Variants in UNC13B observed in about 807,000 individuals in gnomAD.
UNC13B encodes protein unc-13 homolog B.
A neutral mutation model predicts 211.0 loss-of-function variants in UNC13B; 144 were observed. That is an observed-to-expected ratio of 0.68 (90% CI 0.60 to 0.78). UNC13B has a LOEUF of 0.78. Ranked by LOEUF, UNC13B falls within the 30% of genes least tolerant of loss-of-function variation. The pLI is 0.00. For synonymous variants in UNC13B, 709 were observed against 725.8 expected (o/e 0.98, Z 0.37); for missense variants, 1,777 against 2,002.0 (o/e 0.89, Z 2.14).
chr9:35,396,810 C>T (rs2132349207), intron 27 of UNC13B, 31 bp from the exon 28 acceptor site: 1 of 1,613,748 alleles, frequency 6.2e-7, no homozygotes. Flanking sequence ...ACCGCTAGTT[C>T]TAAGCCCCTG....
At chr9:35,365,525 T>C (rs1408465385) in intron 11 of UNC13B, among the ~76,000 whole-genome samples, 1 of 152,214 alleles carries the variant, frequency 6.6e-6, no homozygotes, top group Admixed American at 6.5e-5. Flanking sequence ...ACGGTGGCTA[T>C]TTCCAGAGGG....
At chr9:35,250,111 T>C (rs1253363204) in intron 6 of UNC13B, among the ~76,000 whole-genome samples, 4 of 152,132 alleles carry the variant, frequency 2.6e-5, no homozygotes, top group Non-Finnish European at 5.9e-5. Context: ...TGGCATTCAC[T>C]AAGTTTTTAT....
rs527947634 is a variant in UNC13B at position 35,175,002 on chromosome 9, G to A, written c.22+12697G>A. Among the ~76,000 whole-genome samples, 19 of 151,736 alleles carry A rather than the reference G, an allele frequency of 1.3e-4. No homozygotes were observed. In the East Asian group the frequency reaches 3.5e-3, roughly 28 times the overall value. On this transcript the variant is annotated intron_variant, in intron 1 of 39. Transcript: ENST00000635942. ...GTGTAGAGACAAGGTTTTGCCATGT[G>A]GCTGAGGCTTGTCTCGAACTCCTGG... is the stretch of plus-strand genomic sequence containing the variant.
chr9:35,386,036 A>AGGATAGT, intron 23 of UNC13B, 129 bp from the exon 24 acceptor site: 3 of 1,485,338 alleles, frequency 2.0e-6, no homozygotes, highest in Non-Finnish European at 2.7e-6. Context: ...TGGCAATTTC[A>AGGATAGT]TCACAGGGAA....
chr9:35,333,803 G>A (rs1045654375), intron 11 of UNC13B, among the ~76,000 whole-genome samples: 1 of 152,158 alleles, frequency 6.6e-6, no homozygotes, highest in African/African-American at 2.4e-5. Context: ...ACCTTTAGGA[G>A]TTGCTGAAGG....
intron 11 of UNC13B, among the ~76,000 whole-genome samples, chr9:35,340,803 C>A (rs377684145): frequency 6.6e-6 from 1 of 152,068 alleles, no homozygotes; most frequent in South Asian, 2.1e-4. Context: ...GTTCATTATG[C>A]GATGTTTTTC....
chr9:35,309,016 A>G (rs921522580), intron 9 of UNC13B, among the ~76,000 whole-genome samples: 1 of 152,148 alleles, frequency 6.6e-6, no homozygotes, highest in African/African-American at 2.4e-5. Context: ...ACTACCCTCA[A>G]GGCTGATGTC....
Position 35,306,848 on chromosome 9 carries a change from C to T in UNC13B, c.7444C>T (p.Leu2482Phe). 2.5e-6 allele frequency: 1 copy of T among 399,058 alleles called. No homozygotes were observed. Among genetic ancestry groups the T allele is most frequent in the Middle Eastern group, 6.3e-4 (1 of 1,588 alleles). 24.7% of individuals were successfully genotyped at this position (399,058 alleles called of 1,614,324 possible). Residue 2482 changes from leucine (L) to phenylalanine (F), a missense_variant, in exon 9 of 40, where the codon CTT becomes TTT. Coordinates refer to ENST00000635942, the MANE Select transcript of UNC13B (RefSeq NM_001371189.2). ...TGAACCTCCCAAAACACTCTCTGGA[C>T]TTTTCTCCTCTCCTAAATCTCCAAA... ...LIEPPKTLSG[L>F]FSSPKSPKKN... is the part of the protein sequence containing the mutation.
Position 35,302,397 on chromosome 9 carries a change from A to G in UNC13B, c.2993A>G (p.Asp998Gly). The G allele has an allele frequency of 2.5e-6, 1 of 398,670 alleles. No homozygotes were observed. Among genetic ancestry groups the G allele is most frequent in the African/African-American group, 2.1e-5 (1 of 48,754 alleles). The allele number at this position is 398,670 out of a possible 1,614,324, so 24.7% of individuals were successfully genotyped here. The change falls in exon 9 of 40, where the codon GAT (aspartate) becomes GGT (glycine). Residue 998 changes from aspartate to glycine, a missense_variant. By Grantham distance (94) the Asp-to-Gly change is moderately conservative. Transcript: ENST00000635942. ...NKNDQVNCPE[D>G]AKLSSIKSGS... ...AATGACCAAGTAAATTGTCCTGAAG[A>G]TGCCAAACTTAGTTCAATAAAATCT...
At chr9:35,364,663 GTA>G in intron 11 of UNC13B, 1 of 1,210,700 alleles carries the variant, frequency 8.3e-7, no homozygotes, top group Non-Finnish European at 1.1e-6. Flanking sequence ...GTGTGTGTGT[GTA>G]CATGCACATG....
Position 35,343,787 on chromosome 9 carries a change from G to C in UNC13B, c.9415-23160G>C, listed in dbSNP as rs141013159. On this transcript the variant is annotated intron_variant, in intron 11 of 39. Transcript: ENST00000635942. ...CCAATGTGGTAGCTACTGGCCACAT[G>C]TGACTGCTGAGTACTTAAAATGTGG... Among the ~76,000 whole-genome samples, 29 of 152,014 alleles carry C rather than the reference G, an allele frequency of 1.9e-4. No individual in the cohort carries two copies. The East Asian group carries it at 5.6e-3, about 29-fold the overall frequency.
chr9:35,222,673 C>A (rs1162503303), intron 1 of UNC13B, among the ~76,000 whole-genome samples: 1 of 152,108 alleles, frequency 6.6e-6, no homozygotes, highest in Non-Finnish European at 1.5e-5. Context: ...TTTAGGATAT[C>A]CATCACCTAA....
intron 8 of UNC13B, among the ~76,000 whole-genome samples, chr9:35,297,090 C>CTTTTTTT (rs201558543): frequency 1.6e-5 from 2 of 128,166 alleles, no homozygotes; most frequent in Non-Finnish European, 3.3e-5. Context: ...TTTTAAGAAG[C>CTTTTTTT]TTTTTTTTTT....
intron 6 of UNC13B, among the ~76,000 whole-genome samples, chr9:35,250,253 A>G (rs1046205689): frequency 1.3e-5 from 2 of 152,168 alleles, no homozygotes; most frequent in African/African-American, 4.8e-5. Context: ...AGTTGTGCCC[A>G]TGGATATCAC....
At chr9:35,290,774 G>A (rs1040260362) in intron 7 of UNC13B, among the ~76,000 whole-genome samples, 1 of 151,940 alleles carries the variant, frequency 6.6e-6, no homozygotes, top group African/African-American at 2.4e-5. Context: ...GACCAGAAGG[G>A]GGCTTAAAAC....
intron 11 of UNC13B, among the ~76,000 whole-genome samples, chr9:35,364,200 G>T (rs1833619162): frequency 6.7e-6 from 1 of 148,242 alleles, no homozygotes. Context: ...GTGGTCATTG[G>T]TAACAAATCT....
At chr9:35,184,757 A>AAAGGAAGG (rs58197398) in intron 1 of UNC13B, among the ~76,000 whole-genome samples, 124 of 107,130 alleles carry the variant, frequency 1.2e-3, no homozygotes, top group East Asian at 4.2e-3. Context: ...AGAAAGAAAG[A>AAAGGAAGG]AAGGAAGGAA....
At chr9:35,287,834 AC>A (rs1828882372) in intron 7 of UNC13B, among the ~76,000 whole-genome samples, 1 of 151,774 alleles carries the variant, frequency 6.6e-6, no homozygotes. Flanking sequence ...TGAGCTCCAC[AC>A]CCGTATATCT....
chr9:35,307,953 A>T lies in UNC13B; in HGVS notation c.8549A>T (p.Lys2850Ile). ...TCATTTCCATGGCCAAAAGAGAACAAAGGGGTCCCTGAACAAATGCCTACA... is the reference window on the plus strand; with the variant it reads ...TCATTTCCATGGCCAAAAGAGAACATAGGGGTCCCTGAACAAATGCCTACA... ...DLSFPWPKEN[K>I]GVPEQMPTES... Residue 2850 changes from lysine to isoleucine, a missense_variant, in exon 9 of 40, where the codon AAA becomes ATA. By Grantham distance (102) the Lys-to-Ile change is moderately radical (BLOSUM62 -3). Coordinates refer to ENST00000635942, the MANE Select transcript of UNC13B (RefSeq NM_001371189.2). 1 of 399,032 alleles carries T rather than the reference A, an allele frequency of 2.5e-6. No homozygotes were observed. Among genetic ancestry groups the T allele is most frequent in the Non-Finnish European group, 4.4e-6 (1 of 226,118 alleles). 24.7% of individuals were successfully genotyped at this position (399,032 alleles called of 1,614,324 possible). A position where few individuals can be genotyped will look rare whatever the true frequency, so the allele number is the denominator to read the frequency against.
Sources: gnomAD v4.1 joint callset for allele counts (sites outside exome capture counted in the v4.1 genomes callset) on GRCh38, gnomAD v4.1.1 for gene constraint, MANE v1.5 for transcripts, NCBI Gene and HGNC (gene_info 2026-07-23, HGNC 2026-07-21) for gene names.